MVP: variants seen among roughly 807,000 people sequenced by gnomAD.
MVP encodes the protein major vault protein, also known as lung resistance-related protein.
Under a neutral mutation model 83.5 loss-of-function variants are expected in MVP, and 62 were observed. That is an observed-to-expected ratio of 0.74 (90% CI 0.61 to 0.92). MVP has a LOEUF of 0.92. Ranked by LOEUF, MVP falls within the 40% of genes least tolerant of loss-of-function variation. The pLI, the probability that MVP is intolerant of heterozygous loss-of-function variation, is 0.00. For synonymous variants in MVP, 505 were observed against 504.1 expected, an observed-to-expected ratio of 1.00 and a Z score of -0.02; for missense variants, 1,000 against 1,203.4, an observed-to-expected ratio of 0.83 and a Z score of 2.50.
At chr16:29,833,022 G>A (rs759513582) in intron 3 of MVP, among the ~76,000 whole-genome samples, 5 of 150,934 alleles carry the variant, frequency 3.3e-5, no homozygotes, top group African/African-American at 9.8e-5. Flanking sequence ...CTGAGATTGC[G>A]CCACTGCGCT....
intron 1 of MVP, among the ~76,000 whole-genome samples, chr16:29,824,309 G>A (rs554410231): frequency 1.3e-5 from 2 of 150,710 alleles, no homozygotes; most frequent in South Asian, 2.1e-4. Context: ...TGCTCAGACT[G>A]TAATGTGCAT....
At chr16:29,834,976 G>A (rs1248237987) in intron 5 of MVP, 1 of 150,336 alleles carries the variant, frequency 6.7e-6, no homozygotes, top group Non-Finnish European at 1.5e-5. Context: ...CCAAAGTGCT[G>A]GGATTACAGG....
chr16:29,831,738 G>A (rs567090515), intron 3 of MVP: 7 of 455,996 alleles, frequency 1.5e-5, no homozygotes, highest in African/African-American at 1.4e-4. Flanking sequence ...GACACTGGTG[G>A]GCAGTGCCAA....
At chr16:29,838,689 C>A (rs2067508443) in intron 7 of MVP, among the ~76,000 whole-genome samples, 1 of 152,066 alleles carries the variant, frequency 6.6e-6, no homozygotes, top group South Asian at 2.1e-4. Flanking sequence ...ATTGACCAGG[C>A]ATGGTGGCAC....
At chr16:29,821,584 G>A (rs1297513257) in intron 1 of MVP, among the ~76,000 whole-genome samples, 1 of 152,204 alleles carries the variant, frequency 6.6e-6, no homozygotes, top group Non-Finnish European at 1.5e-5. Context: ...GCCCCACCCA[G>A]GTCCTCTAGT....
At chr16:29,821,869 G>A (rs532890028) in intron 1 of MVP, among the ~76,000 whole-genome samples, 38 of 152,284 alleles carry the variant, frequency 2.5e-4, no homozygotes, top group African/African-American at 8.7e-4. Context: ...GCTCTCTCCC[G>A]GAAACTTAGA....
At chr16:29,830,832 G>A (rs745358189) in intron 2 of MVP, 46 bp from the exon 3 acceptor site, 22 of 1,590,570 alleles carry the variant, frequency 1.4e-5, no homozygotes, top group Admixed American at 3.4e-5. Flanking sequence ...CTTTGGTAGT[G>A]GAGACCTGGT....
At chr16:29,827,777 G>A (rs764287677) in intron 1 of MVP, among the ~76,000 whole-genome samples, 5 of 151,970 alleles carry the variant, frequency 3.3e-5, no homozygotes, top group South Asian at 2.1e-4. Flanking sequence ...TTAGCTAGGC[G>A]TGGTGGCACA....
At chr16:29,831,866 G>T (rs1403219220) in intron 3 of MVP, 4 of 364,868 alleles carry the variant, frequency 1.1e-5, no homozygotes, top group Non-Finnish European at 2.2e-5. Flanking sequence ...CTGAGCAGGT[G>T]GGTGTCCCAC....
At chr16:29,843,674 G>A (rs2067556934) in intron 10 of MVP, among the ~76,000 whole-genome samples, 3 of 151,458 alleles carry the variant, frequency 2.0e-5, no homozygotes, top group Middle Eastern at 3.4e-3. Flanking sequence ...ATCACTTGAG[G>A]TCAGGAGTTT....
rs752629964 is a variant in MVP, at chr16:29,841,705, T to C, written c.1301T>C (p.Leu434Pro). 6.2e-7 allele frequency: 1 copy of C among 1,612,600 alleles called. No homozygotes were observed. The highest frequency in any genetic ancestry group is 8.5e-7 in the Non-Finnish European group (1 of 1,179,566). ...EELLNKGQDPLADRGEKDTAK... is the reference protein window; with the variant it reads ...EELLNKGQDPPADRGEKDTAK... ...CTGCTGAACAAGGGGCAGGACCCTCTGGCAGACAGGGGTGAGAAGGACACA... is the reference window on the plus strand; with the variant it reads ...CTGCTGAACAAGGGGCAGGACCCTCCGGCAGACAGGGGTGAGAAGGACACA... Residue 434 changes from leucine (L) to proline (P), a missense_variant, in exon 9 of 15, where the codon CTG (leucine) becomes CCG (proline). Physicochemically the swap from Leu to Pro is moderately conservative, Grantham distance 98. Coordinates refer to ENST00000357402, the MANE Select transcript of MVP (RefSeq NM_005115.5). This position sits in a 1 kb window ranked among gnomAD's most constrained non-coding sequence, Gnocchi z 4.7.
intron 5 of MVP, 130 bp downstream of exon 5, chr16:29,834,196 T>C: frequency 7.7e-7 from 1 of 1,297,160 alleles, no homozygotes; most frequent in Non-Finnish European, 1.0e-6. Flanking sequence ...TTGAAAGCTG[T>C]TGAGGGCCAC....
chr16:29,844,927 A>G, intron 11 of MVP, 48 bp downstream of exon 11: 1 of 1,549,920 alleles, frequency 6.5e-7, no homozygotes, highest in Non-Finnish European at 8.7e-7. Context: ...ATGGCAGGCC[A>G]CTGCTGGGAA....
chr16:29,837,702 C>T (rs140510050), intron 7 of MVP, among the ~76,000 whole-genome samples: 2 of 151,774 alleles, frequency 1.3e-5, no homozygotes, highest in East Asian at 1.9e-4. Context: ...TGTGGTGAGC[C>T]GAGATCGTGC....
intron 1 of MVP, among the ~76,000 whole-genome samples, chr16:29,825,683 A>G (rs1438505936): frequency 6.6e-6 from 1 of 152,144 alleles, no homozygotes; most frequent in East Asian, 1.9e-4. Flanking sequence ...ACTCTTGCTG[A>G]GTCACTGAGC....
Position 29,834,042 on chromosome 16 carries a change from C to A in MVP, c.553C>A (p.Arg185=). 1 of 1,613,808 alleles carries A rather than the reference C, an allele frequency of 6.2e-7. No individual in the cohort carries two copies. Among genetic ancestry groups the A allele is most frequent in the Non-Finnish European group, 8.5e-7 (1 of 1,179,892 alleles). ...RLRARKECWD[R]DGKERVTGEE... is the part of the protein sequence containing the mutation. ...CAGGGCCCGCAAGGAGTGCTGGGACCGGGACGGCAAGGAGAGGGTGACAGG... is the reference window on the plus strand; with the variant it reads ...CAGGGCCCGCAAGGAGTGCTGGGACAGGGACGGCAAGGAGAGGGTGACAGG... Residue 185 remains arginine (R), a synonymous_variant, in exon 5 of 15, where the codon CGG becomes AGG. Transcript: ENST00000357402.
At position 29,843,256 on chromosome 16, in the gene MVP, CTG is replaced by C. The variant is rs1332639760; in HGVS notation, c.1634+1147_1634+1148del. 1.3e-4 allele frequency among the ~76,000 whole-genome samples: 20 copies of C among 151,768 alleles called. No individual in the cohort carries two copies. In the East Asian group the frequency reaches 3.7e-3, roughly 28 times the overall value. On this transcript the variant is annotated intron_variant, in intron 10 of 14. Coordinates refer to ENST00000357402, the MANE Select transcript of MVP (RefSeq NM_005115.5). ...CCTGTGATCCCAGCACTTTGGGAGGCTGTGGCAGGAGGATTGCTTGAGGCCAG... is the reference window on the plus strand; with the variant it reads ...CCTGTGATCCCAGCACTTTGGGAGGCTGGCAGGAGGATTGCTTGAGGCCAG...
rs889835117 is a variant in MVP at position 29,820,500 on chromosome 16, C to G, written c.-46C>G. 6.6e-6 allele frequency: 1 copy of G among 152,240 alleles called. No individual in the cohort carries two copies. Among genetic ancestry groups the G allele is most frequent in the Non-Finnish European group, 1.5e-5 (1 of 68,072 alleles). 9.4% of individuals were successfully genotyped at this position (152,240 alleles called of 1,614,324 possible). ...CTGAGGCGTTTGTTGCAGCTACCTGCACTTCTAGATGTGAGTACATTGTAC... is the reference window on the plus strand; with the variant it reads ...CTGAGGCGTTTGTTGCAGCTACCTGGACTTCTAGATGTGAGTACATTGTAC... On this transcript the variant is annotated 5_prime_UTR_variant, in exon 1 of 15. Coordinates refer to ENST00000357402, the MANE Select transcript of MVP (RefSeq NM_005115.5).
At chr16:29,845,686 C>G (rs1289043773) in intron 11 of MVP, among the ~76,000 whole-genome samples, 177 bp from the exon 12 acceptor site, 1 of 152,222 alleles carries the variant, frequency 6.6e-6, no homozygotes, top group South Asian at 2.1e-4. Context: ...TTTGTCCGGC[C>G]TAGAATGACA....
Sources: allele counts gnomAD v4.1 joint callset (sites outside exome capture counted in the v4.1 genomes callset), GRCh38; gene constraint gnomAD v4.1.1; non-coding constraint Gnocchi (gnomAD v3.1); transcripts MANE v1.5; gene names NCBI Gene and HGNC (gene_info 2026-07-23, HGNC 2026-07-21).